KLHL32: variants seen among roughly 807,000 people sequenced by gnomAD.
KLHL32 encodes kelch like family member 32.
A neutral mutation model predicts 64.8 loss-of-function variants in KLHL32; 35 were observed. The observed-to-expected ratio is 0.54, with a 90% confidence interval of 0.41 to 0.72. The LOEUF is 0.72. Among genes scored for constraint, KLHL32 ranks in the 30% least tolerant of loss-of-function variants. The pLI is 0.00. For synonymous variants in KLHL32, 259 were observed against 281.0 expected, an observed-to-expected ratio of 0.92 and a Z score of 0.78; for missense variants, 589 against 768.5, an observed-to-expected ratio of 0.77 and a Z score of 2.76.
chr6:96,901,117 A>G, the KLHL32 span, among the ~76,000 whole-genome samples: 3 of 152,196 alleles, frequency 2.0e-5, no homozygotes, highest in Non-Finnish European at 4.4e-5. Flanking sequence ...TCAACCAGCA[A>G]TTATGCCCAG....
chr6:96,991,153 T>C (rs1582618428), intron 3 of KLHL32, among the ~76,000 whole-genome samples: 1 of 151,954 alleles, frequency 6.6e-6, no homozygotes, highest in Non-Finnish European at 1.5e-5. Context: ...TCTTTGTTCC[T>C]TCCCCAATGC....
At chr6:96,987,189 T>G (rs150632317) in intron 3 of KLHL32, among the ~76,000 whole-genome samples, 1 of 152,174 alleles carries the variant, frequency 6.6e-6, no homozygotes, top group Non-Finnish European at 1.5e-5. Flanking sequence ...TTTTGAAGGG[T>G]TTTTTGAGTC....
At chr6:97,004,837 G>C (rs1779463336) in intron 3 of KLHL32, among the ~76,000 whole-genome samples, 1 of 152,140 alleles carries the variant, frequency 6.6e-6, no homozygotes, top group African/African-American at 2.4e-5. Context: ...TTTGATCGTA[G>C]TGCATTAGCT....
intron 3 of KLHL32, among the ~76,000 whole-genome samples, chr6:97,003,963 G>A (rs897202643): frequency 1.3e-5 from 2 of 152,040 alleles, no homozygotes; most frequent in African/African-American, 4.8e-5. Context: ...AAGTATTCAA[G>A]CTCTCTTTTG....
intron 3 of KLHL32, among the ~76,000 whole-genome samples, chr6:97,013,640 A>G (rs767955725): frequency 6.6e-6 from 1 of 152,244 alleles, no homozygotes; most frequent in Admixed American, 6.5e-5. Context: ...ATAAAATAAC[A>G]TTTAGTAAAC....
At chr6:97,105,472 A>C (rs6930336) in intron 6 of KLHL32, 9,752 of 470,986 alleles carry the variant, frequency 0.021, 801 homozygotes, top group African/African-American at 0.17. Flanking sequence ...CCTTTTGTGC[A>C]CTGAGGGGAG....
At chr6:97,113,640 C>T in intron 6 of KLHL32, 143 bp from the exon 7 acceptor site, 1 of 1,155,778 alleles carries the variant, frequency 8.7e-7, no homozygotes, top group Non-Finnish European at 1.2e-6. Context: ...ACATGGGCTT[C>T]AAAATATTCC....
rs1399097506 is a variant in KLHL32 at position 97,122,777 on chromosome 6, G to A, written c.1355-4627G>A. ...AGGAATGTATCATCATCACTGTTTT[G>A]CATATGAGGAAGCTGAGCATGGCTG... On this transcript the variant is annotated intron_variant, in intron 7 of 10. Transcript: ENST00000369261. Among the ~76,000 whole-genome samples, 3 of 152,152 alleles carry A rather than the reference G, an allele frequency of 2.0e-5. No individual in the cohort carries two copies. The East Asian group carries it at 5.8e-4, about 29-fold the overall frequency.
chr6:97,062,566 A>G (rs1191950624), intron 4 of KLHL32: 1 of 152,246 alleles, frequency 6.6e-6, no homozygotes. Flanking sequence ...TTAGAAATAT[A>G]GAGTCCTTTT....
At chr6:97,091,537 C>T (rs76860331) in intron 6 of KLHL32, among the ~76,000 whole-genome samples, 59 of 152,266 alleles carry the variant, frequency 3.9e-4, no homozygotes, top group African/African-American at 1.3e-3. Context: ...TGGGGCTTTC[C>T]GCTTGCTGCT....
chr6:97,021,025 T>C (rs886833900), intron 3 of KLHL32, among the ~76,000 whole-genome samples: 7 of 150,734 alleles, frequency 4.6e-5, no homozygotes, highest in African/African-American at 1.7e-4. Flanking sequence ...ATTAGAGTCC[T>C]CCAGAGAAGC....
At chr6:96,952,050 C>T (rs569436803) in intron 1 of KLHL32, among the ~76,000 whole-genome samples, 54 of 152,064 alleles carry the variant, frequency 3.6e-4, no homozygotes, top group African/African-American at 1.1e-3. Context: ...TGTGCACATT[C>T]GGTTCACTGG....
At chr6:97,026,905 T>C (rs1782790043) in intron 3 of KLHL32, among the ~76,000 whole-genome samples, 2 of 152,258 alleles carry the variant, frequency 1.3e-5, no homozygotes, top group South Asian at 4.1e-4. Context: ...GGCTTACACC[T>C]GTATTCCCAG....
At chr6:97,008,069 G>A (rs144743903) in intron 3 of KLHL32, among the ~76,000 whole-genome samples, 88 of 152,310 alleles carry the variant, frequency 5.8e-4, no homozygotes, top group African/African-American at 2.0e-3. Context: ...TCATGCAGGT[G>A]GTTGTGGTGG....
At chr6:97,006,019 G>A (rs4839893) in intron 3 of KLHL32, among the ~76,000 whole-genome samples, 37,231 of 151,926 alleles carry the variant, frequency 0.25, 5,889 homozygotes, top group East Asian at 0.53. Flanking sequence ...GTAGATGTCT[G>A]TTAGTTCCAT....
chr6:97,048,076 C>T (rs1456727393), intron 4 of KLHL32, among the ~76,000 whole-genome samples: 1 of 152,192 alleles, frequency 6.6e-6, no homozygotes, highest in East Asian at 1.9e-4. Context: ...AGTTAGCTTC[C>T]TCTTAATTTC....
At chr6:96,989,168 C>G (rs571598364) in intron 3 of KLHL32, among the ~76,000 whole-genome samples, 2 of 152,232 alleles carry the variant, frequency 1.3e-5, no homozygotes, top group East Asian at 1.9e-4. Context: ...ATTATGCAGA[C>G]TTGATTGTGT....
intron 10 of KLHL32, among the ~76,000 whole-genome samples, chr6:97,136,662 T>C (rs968329839): frequency 2.0e-5 from 3 of 152,202 alleles, no homozygotes; most frequent in African/African-American, 7.2e-5. Flanking sequence ...TATCTTCATT[T>C]ACTATTATTT....
At chr6:97,115,117 G>A (rs1280233676) in intron 7 of KLHL32, among the ~76,000 whole-genome samples, 1 of 152,174 alleles carries the variant, frequency 6.6e-6, no homozygotes, top group East Asian at 1.9e-4. Flanking sequence ...TCAGGCTCAA[G>A]TGATCCTCCC....
Sources: gnomAD v4.1 joint callset for allele counts (sites outside exome capture counted in the v4.1 genomes callset) on GRCh38, gnomAD v4.1.1 for gene constraint, MANE v1.5 for transcripts, NCBI Gene and HGNC (gene_info 2026-07-23, HGNC 2026-07-21) for gene names.